CTNNBL1: variants seen among roughly 807,000 people sequenced by gnomAD.
CTNNBL1 encodes the protein catenin beta like 1.
In CTNNBL1, 31 loss-of-function variants were observed where a neutral mutation model predicts 72.7. The ratio of observed to expected loss-of-function variants is 0.43; its 90% CI spans 0.32 to 0.58. The LOEUF (loss-of-function observed/expected upper bound fraction) is 0.58. Ranked by LOEUF, CTNNBL1 falls within the 20% of genes least tolerant of loss-of-function variation. CTNNBL1 has a pLI of 0.08. For synonymous variants in CTNNBL1, 240 were observed against 267.3 expected, an observed-to-expected ratio of 0.90 and a Z score of 1.00; for missense variants, 534 against 725.1, an observed-to-expected ratio of 0.74 and a Z score of 3.03.
At chr20:37,747,781 T>C (rs565533363) in intron 4 of CTNNBL1, among the ~76,000 whole-genome samples, 71 of 152,152 alleles carry the variant, frequency 4.7e-4, no homozygotes, top group Admixed American at 5.2e-4. Context: ...GATCTTGCAA[T>C]GTTGCCCAGG....
Position 37,793,276 on chromosome 20 carries a change from T to C in CTNNBL1, c.1032-9591T>C, listed in dbSNP as rs147824464. Among the ~76,000 whole-genome samples the C allele has an allele frequency of 4.6e-5, 7 of 152,354 alleles. No homozygotes were observed. The East Asian group carries it at 1.3e-3, about 29-fold the overall frequency. On this transcript the variant is annotated intron_variant, in intron 10 of 15. Coordinates refer to ENST00000361383, the MANE Select transcript of CTNNBL1 (RefSeq NM_030877.5). ...ATGTCTATTTTTCCTTTCAGTTCTATCAGCTTTTGCTTCATATATTTTGAG... is the reference window on the plus strand; with the variant it reads ...ATGTCTATTTTTCCTTTCAGTTCTACCAGCTTTTGCTTCATATATTTTGAG...
intron 11 of CTNNBL1, among the ~76,000 whole-genome samples, chr20:37,803,859 G>A (rs959277526): frequency 1.3e-5 from 2 of 152,050 alleles, no homozygotes; most frequent in Non-Finnish European, 1.5e-5. Flanking sequence ...TGGTTTAGGA[G>A]GCTTTTTTTT....
chr20:37,797,711 C>A (rs6020987), intron 10 of CTNNBL1, among the ~76,000 whole-genome samples: 8 of 152,266 alleles, frequency 5.3e-5, no homozygotes, highest in African/African-American at 1.9e-4. Flanking sequence ...TCTCTTCCTT[C>A]TGCTCCCCCA....
intron 10 of CTNNBL1, among the ~76,000 whole-genome samples, chr20:37,784,386 A>G (rs2073653847): frequency 6.6e-6 from 1 of 151,924 alleles, no homozygotes; most frequent in Admixed American, 6.6e-5. Flanking sequence ...TAATCCTGCC[A>G]TTTTGTTATT....
chr20:37,817,102 ATAAGT>A (rs1195460359), intron 11 of CTNNBL1, among the ~76,000 whole-genome samples: 2 of 152,198 alleles, frequency 1.3e-5, no homozygotes, highest in Admixed American at 6.5e-5. Flanking sequence ...ACAGCCCCAA[ATAAGT>A]TAAGTACTTT....
intron 15 of CTNNBL1, among the ~76,000 whole-genome samples, chr20:37,861,661 C>T (rs186793112): frequency 2.0e-5 from 3 of 152,284 alleles, no homozygotes; most frequent in Admixed American, 1.3e-4. Context: ...AAGTGAAGCA[C>T]GGTTAAGAGC....
intron 11 of CTNNBL1, among the ~76,000 whole-genome samples, chr20:37,839,022 T>C (rs2072278570): frequency 6.6e-6 from 1 of 152,154 alleles, no homozygotes; most frequent in Admixed American, 6.5e-5. Flanking sequence ...CAGCATGTAA[T>C]GGTTTTCAAA....
chr20:37,746,353 G>A (rs900426016), intron 3 of CTNNBL1, 115 bp from the exon 4 acceptor site: 30 of 1,044,680 alleles, frequency 2.9e-5, no homozygotes, highest in Non-Finnish European at 4.3e-5. Flanking sequence ...GTACTTCTTG[G>A]TTGGTCTGTT....
intron 3 of CTNNBL1, among the ~76,000 whole-genome samples, chr20:37,745,658 T>C (rs1221919874): frequency 6.6e-6 from 1 of 152,172 alleles, no homozygotes; most frequent in Non-Finnish European, 1.5e-5. Flanking sequence ...CCAGAGTCAG[T>C]TTAACCACTG....
At chr20:37,844,050 C>T (rs6096486) in intron 13 of CTNNBL1, among the ~76,000 whole-genome samples, 124,149 of 152,136 alleles carry the variant, frequency 0.82, 50,706 homozygotes, top group Middle Eastern at 0.89. Context: ...GTAACTTGGA[C>T]GTGAAGGACA....
intron 11 of CTNNBL1, among the ~76,000 whole-genome samples, chr20:37,812,664 G>T (rs1340792530): frequency 6.6e-6 from 1 of 152,172 alleles, no homozygotes; most frequent in Non-Finnish European, 1.5e-5. Context: ...CAAACCACCA[G>T]TCCCTGCTTT....
chr20:37,788,516 A>G (rs541562713), intron 10 of CTNNBL1, among the ~76,000 whole-genome samples: 2 of 152,286 alleles, frequency 1.3e-5, no homozygotes, highest in African/African-American at 2.4e-5. Context: ...TTTTCAGTGC[A>G]TGGAAAGCAC....
In CTNNBL1 at chr20:37,732,195, C is replaced by T. The variant is rs149054966; in HGVS notation, c.31-684C>T. ...GCATTTTTTTCATATATCTTCTGGC[C>T]ATTTGTACATCTTCTTTTGAGAAGT... is the stretch of plus-strand genomic sequence containing the variant. On this transcript the variant is annotated intron_variant, in intron 1 of 15. Transcript: ENST00000361383. 6.0e-3 allele frequency among the ~76,000 whole-genome samples: 919 copies of T among 152,252 alleles called. 10 individuals carry two copies. The highest frequency in any genetic ancestry group is 0.021 in the African/African-American group (877 of 41,536).
intron 15 of CTNNBL1, among the ~76,000 whole-genome samples, chr20:37,871,435 T>G (rs2072583778): frequency 6.6e-6 from 1 of 152,184 alleles, no homozygotes. Flanking sequence ...GCCGTCCTAT[T>G]GCATCCTCAC....
intron 11 of CTNNBL1, 46 bp from the exon 12 acceptor site, chr20:37,840,056 T>G: frequency 7.0e-7 from 1 of 1,419,532 alleles, no homozygotes; most frequent in African/African-American, 1.4e-5. Context: ...AGGTAATAAT[T>G]ACTGCTCTGA....
intron 11 of CTNNBL1, among the ~76,000 whole-genome samples, chr20:37,815,783 G>C (rs1409327798): frequency 6.6e-6 from 1 of 152,194 alleles, no homozygotes; most frequent in Non-Finnish European, 1.5e-5. Flanking sequence ...GTGAATACTT[G>C]AATGTGTTAG....
chr20:37,859,529 T>C (rs2072471573), intron 13 of CTNNBL1, among the ~76,000 whole-genome samples: 1 of 151,972 alleles, frequency 6.6e-6, no homozygotes, highest in Non-Finnish European at 1.5e-5. Context: ...AGAGAGATTA[T>C]TTATGGAGGC....
intron 4 of CTNNBL1, among the ~76,000 whole-genome samples, chr20:37,754,593 C>T (rs576279556): frequency 6.6e-6 from 1 of 151,714 alleles, no homozygotes; most frequent in Non-Finnish European, 1.5e-5. Flanking sequence ...TTATTCTTTT[C>T]CTTGAGTCTT....
At chr20:37,815,076 A>AGTGTGTGTGTGTGTGTGT (rs11474436) in intron 11 of CTNNBL1, among the ~76,000 whole-genome samples, 14 of 147,392 alleles carry the variant, frequency 9.5e-5, no homozygotes, top group African/African-American at 3.0e-4. Context: ...GGACTCTGTG[A>AGTGTGTGTGTGTGTGTGT]GTGTGTGTGT....
Sources: gnomAD v4.1 joint callset for allele counts (sites outside exome capture counted in the v4.1 genomes callset) on GRCh38, gnomAD v4.1.1 for gene constraint, MANE v1.5 for transcripts, NCBI Gene and HGNC (gene_info 2026-07-23, HGNC 2026-07-21) for gene names.